The following COL26A1 variants were observed in gnomAD, a reference collection of about 807,000 sequenced individuals.
COL26A1 encodes collagen alpha-1(XXVI) chain.
A neutral mutation model predicts 59.3 loss-of-function variants in COL26A1; 41 were observed. The observed-to-expected ratio is 0.69, with a 90% CI of 0.54 to 0.90. COL26A1 has a LOEUF of 0.90. Ranked by LOEUF, COL26A1 falls within the 40% of genes least tolerant of loss-of-function variation. The pLI is 0.00. For synonymous variants in COL26A1, 266 were observed against 256.0 expected (o/e 1.04, Z -0.37); for missense variants, 612 against 602.3 (o/e 1.02, Z -0.17).
chr7:101,489,738 T>G (rs1361095558), intron 3 of COL26A1, among the ~76,000 whole-genome samples: 16 of 97,910 alleles, frequency 1.6e-4, no homozygotes, highest in East Asian at 1.3e-3. Context: ...TCTCTCTTTC[T>G]CTCTTTCTTT....
chr7:101,554,567 T>TAAAAAAAAAAAAAAAAAAA (rs57638079), intron 11 of COL26A1, among the ~76,000 whole-genome samples: 1 of 120,508 alleles, frequency 8.3e-6, no homozygotes, highest in Non-Finnish European at 1.7e-5. Flanking sequence ...CCCCATTTCT[T>TAAAAAAAAAAAAAAAAAAA]AAAAAAAAAA....
chr7:101,522,542 G>C (rs1260329390), intron 3 of COL26A1, among the ~76,000 whole-genome samples: 2 of 152,278 alleles, frequency 1.3e-5, no homozygotes, highest in East Asian at 3.9e-4. Flanking sequence ...TTTCCACTAA[G>C]TCTAGAAAAA....
chr7:101,492,521 AC>A (rs1024461968), intron 3 of COL26A1, among the ~76,000 whole-genome samples: 10 of 151,228 alleles, frequency 6.6e-5, no homozygotes, highest in Non-Finnish European at 8.8e-5. Context: ...ACACGGAGAA[AC>A]CCCATCTCTA....
intron 2 of COL26A1, among the ~76,000 whole-genome samples, chr7:101,442,975 T>G (rs1248137850): frequency 2.6e-5 from 4 of 152,068 alleles, no homozygotes; most frequent in Non-Finnish European, 5.9e-5. Context: ...TTGTGAGAGC[T>G]TGCAAGTAAG....
intron 2 of COL26A1, among the ~76,000 whole-genome samples, chr7:101,431,853 G>T (rs1027874228): frequency 3.3e-5 from 5 of 151,524 alleles, no homozygotes; most frequent in Non-Finnish European, 7.4e-5. Flanking sequence ...GTGCAATGGT[G>T]TGATCATCTC....
chr7:101,493,980 G>A (rs983213953), intron 3 of COL26A1, among the ~76,000 whole-genome samples: 5 of 151,298 alleles, frequency 3.3e-5, no homozygotes, highest in African/African-American at 1.2e-4. Flanking sequence ...CTTTCCTAAC[G>A]CAAACAGCAA....
At chr7:101,473,738 A>G (rs1361450357) in intron 3 of COL26A1, among the ~76,000 whole-genome samples, 1 of 151,994 alleles carries the variant, frequency 6.6e-6, no homozygotes, top group Non-Finnish European at 1.5e-5. Context: ...CTGTAGTCCC[A>G]GCTACTTGGG....
intron 1 of COL26A1, among the ~76,000 whole-genome samples, chr7:101,387,384 AAAG>A (rs1791602447): frequency 6.6e-6 from 1 of 151,714 alleles, no homozygotes; most frequent in South Asian, 2.1e-4. Context: ...GAAAAAAAAA[AAAG>A]TTTATTTTTT....
intron 1 of COL26A1, among the ~76,000 whole-genome samples, chr7:101,379,131 G>A (rs572395025): frequency 3.2e-4 from 49 of 152,216 alleles, no homozygotes; most frequent in Non-Finnish European, 1.5e-4. Context: ...CTCCCTTCCT[G>A]GCCTCCTTTG....
In COL26A1 at chr7:101,374,287, G is replaced by A. The variant is rs1220989215; in HGVS notation, c.158+11097G>A. On this transcript the variant is annotated intron_variant, in intron 1 of 12. Transcript: ENST00000313669. ...AATTCTGAAATACTGGAGGAGAGCG[G>A]TGTGCGTTCTGGCCCCCTGCATCTC... Among the ~76,000 whole-genome samples the A allele has an allele frequency of 2.6e-5, 4 of 152,266 alleles. No individual in the cohort carries two copies. In the East Asian group the frequency reaches 7.7e-4, roughly 29 times the overall value.
At chr7:101,517,337 G>A (rs113622162) in intron 3 of COL26A1, among the ~76,000 whole-genome samples, 3,022 of 152,174 alleles carry the variant, frequency 0.02, 104 homozygotes, top group African/African-American at 0.068. Flanking sequence ...CCGTTTTCAC[G>A]TTGCTGATAA....
chr7:101,556,151 G>A (rs142326847), intron 12 of COL26A1, among the ~76,000 whole-genome samples: 3 of 152,298 alleles, frequency 2.0e-5, no homozygotes, highest in East Asian at 1.9e-4. Context: ...GCCTTTGCTC[G>A]GGCCATGCCT....
At chr7:101,481,526 C>T (rs995465903) in intron 3 of COL26A1, among the ~76,000 whole-genome samples, 1 of 151,370 alleles carries the variant, frequency 6.6e-6, no homozygotes, top group Non-Finnish European at 1.5e-5. Context: ...TCATAGCTCA[C>T]TGCCATCTCA....
chr7:101,372,062 C>T (rs149378484), intron 1 of COL26A1, among the ~76,000 whole-genome samples: 1 of 152,126 alleles, frequency 6.6e-6, no homozygotes, highest in Non-Finnish European at 1.5e-5. Flanking sequence ...GGATAGTAAA[C>T]CCTCTGTTCA....
At chr7:101,494,305 T>C (rs1422235045) in intron 3 of COL26A1, among the ~76,000 whole-genome samples, 2 of 152,044 alleles carry the variant, frequency 1.3e-5, no homozygotes, top group Admixed American at 1.3e-4. Context: ...TTTTGTATTT[T>C]TAGTAGGGAT....
At chr7:101,549,992 G>T (rs1362082036) in intron 9 of COL26A1, among the ~76,000 whole-genome samples, 1 of 152,210 alleles carries the variant, frequency 6.6e-6, no homozygotes, top group Non-Finnish European at 1.5e-5. Flanking sequence ...AGGTACAAAG[G>T]CCCTGAGGCA....
chr7:101,557,687 G>C lies in COL26A1; in HGVS notation c.*157G>C. On this transcript the variant is annotated 3_prime_UTR_variant, in exon 13 of 13. Coordinates refer to ENST00000313669, the MANE Select transcript of COL26A1 (RefSeq NM_001278563.3). The stretch of plus-strand genomic sequence containing the variant: ...CTTTGGGGACAGATAATGTCTCCAG[G>C]GGCAGGGTCTGGAGGGGCCAACACC... 1 of 756,134 alleles carries C rather than the reference G, an allele frequency of 1.3e-6. No homozygotes were observed. The highest frequency in any genetic ancestry group is 2.1e-6 in the Non-Finnish European group (1 of 486,782). 46.8% of individuals were successfully genotyped at this position (756,134 alleles called of 1,614,324 possible).
intron 2 of COL26A1, among the ~76,000 whole-genome samples, chr7:101,437,841 C>CG (rs1792953579): frequency 6.6e-6 from 1 of 151,410 alleles, no homozygotes; most frequent in African/African-American, 2.4e-5. Flanking sequence ...CTCCCAAGTA[C>CG]GTGGGGACTA....
In COL26A1 at chr7:101,489,736, TCTC is replaced by T. The variant is rs1312029936; in HGVS notation, c.385+41950_385+41952del. On this transcript the variant is annotated intron_variant, in intron 3 of 12. Coordinates refer to ENST00000313669, the MANE Select transcript of COL26A1 (RefSeq NM_001278563.3). ...TTCATTCTTTCTTTCTCTCTCTCTT[TCTC>T]TCTTTCTTTCTTGTCTCTCTTTCTT... Among the ~76,000 whole-genome samples the T allele has an allele frequency of 3.0e-4, 30 of 101,590 alleles. 6 individuals carry two copies. Among genetic ancestry groups the T allele is most frequent in the Non-Finnish European group, 4.5e-4 (24 of 53,482 alleles). 66.6% of individuals were successfully genotyped at this position (101,590 alleles called of 152,430 possible).
Sources: gnomAD v4.1 joint callset for allele counts (sites outside exome capture counted in the v4.1 genomes callset) on GRCh38, gnomAD v4.1.1 for gene constraint, MANE v1.5 for transcripts, NCBI Gene and HGNC (gene_info 2026-07-23, HGNC 2026-07-21) for gene names.